HHAT: variants seen among roughly 807,000 people sequenced by gnomAD.
HHAT encodes the protein protein-cysteine N-palmitoyltransferase HHAT.
Under a neutral mutation model 70.8 loss-of-function variants are expected in HHAT, and 47 were observed. The ratio of observed to expected loss-of-function variants is 0.66; its 90% CI spans 0.53 to 0.85. The LOEUF (loss-of-function observed/expected upper bound fraction) is 0.85, where lower values mean the gene tolerates loss of function less well. Among genes scored for constraint, HHAT ranks in the 40% least tolerant of loss-of-function variants. The probability of loss-of-function intolerance (pLI) is 0.00; values close to 1 mark genes in which losing one functional copy is unlikely to be tolerated. For missense variants in HHAT, 609 were observed against 604.8 expected, an observed-to-expected ratio of 1.01 and a Z score of -0.07; for synonymous variants, 228 against 247.6, an observed-to-expected ratio of 0.92 and a Z score of 0.74.
At chr1:210,330,740 C>T (rs989326906) in intron 1 of HHAT, among the ~76,000 whole-genome samples, 24 of 152,138 alleles carry the variant, frequency 1.6e-4, no homozygotes, top group African/African-American at 5.8e-4. Flanking sequence ...GCACCAAGGA[C>T]CGGTTTCATG....
chr1:210,623,891 G>A (rs960884629), intron 11 of HHAT, among the ~76,000 whole-genome samples: 2 of 152,050 alleles, frequency 1.3e-5, no homozygotes, highest in African/African-American at 4.8e-5. Context: ...TGTGATACTT[G>A]TTTAACACCA....
chr1:210,623,427 G>A (rs1669247058), intron 10 of HHAT, 99 bp from the exon 11 acceptor site: 1 of 1,348,828 alleles, frequency 7.4e-7, no homozygotes, highest in Non-Finnish European at 1.0e-6. Context: ...GGCTCTGTGG[G>A]GAGGCGTCCT....
intron 1 of HHAT, among the ~76,000 whole-genome samples, chr1:210,335,661 A>G (rs958063631): frequency 1.3e-5 from 2 of 152,232 alleles, no homozygotes; most frequent in Non-Finnish European, 2.9e-5. Context: ...GCAACACTGC[A>G]GGGCAGTGGA....
intron 10 of HHAT, among the ~76,000 whole-genome samples, chr1:210,592,267 C>A (rs1014454304): frequency 6.6e-6 from 1 of 151,936 alleles, no homozygotes; most frequent in Non-Finnish European, 1.5e-5. Flanking sequence ...CCAGTTTTCC[C>A]AGCACCATTT....
chr1:210,381,500 C>G (rs762222569), intron 3 of HHAT, among the ~76,000 whole-genome samples: 1 of 152,060 alleles, frequency 6.6e-6, no homozygotes, highest in African/African-American at 2.4e-5. Context: ...AGGCTGGTCT[C>G]GAGCTCCTGG....
intron 8 of HHAT, among the ~76,000 whole-genome samples, chr1:210,506,316 T>TA (rs139034537): frequency 0.081 from 12,380 of 152,162 alleles, 636 homozygotes; most frequent in Non-Finnish European, 0.11. Flanking sequence ...CATTCATACT[T>TA]AGAGATGCTG....
chr1:210,378,852 G>A (rs1314919412), intron 3 of HHAT, among the ~76,000 whole-genome samples: 1 of 152,180 alleles, frequency 6.6e-6, no homozygotes, highest in Non-Finnish European at 1.5e-5. Context: ...TCAGACTAGT[G>A]TTCTTCAAAG....
rs748514239 is a variant in HHAT at position 210,404,485 on chromosome 1, A to G, written c.490A>G (p.Asn164Asp). ...EVKRRWYKTE[N>D]EYYLLQFTLT... The stretch of plus-strand genomic sequence containing the variant: ...GTAGAGAAGGTGGTACAAGACAGAA[A>G]ACGAGTACTACCTGCTGCAGTTCAC... Residue 164 changes from asparagine to aspartate, a missense_variant, in exon 6 of 12, where the codon AAC becomes GAC. Physicochemically the swap from Asn to Asp is conservative, Grantham distance 23. Coordinates refer to ENST00000261458, the MANE Select transcript of HHAT (RefSeq NM_018194.6). 24 of 1,612,230 alleles carry G rather than the reference A, an allele frequency of 1.5e-5. No homozygotes were observed. Among genetic ancestry groups the G allele is most frequent in the Non-Finnish European group, 1.9e-5 (23 of 1,179,758 alleles).
intron 5 of HHAT, among the ~76,000 whole-genome samples, chr1:210,402,446 G>A (rs2092124366): frequency 6.6e-6 from 1 of 152,104 alleles, no homozygotes; most frequent in Non-Finnish European, 1.5e-5. Context: ...TGTTTATGCT[G>A]TCTCTTGGAA....
chr1:210,349,076 C>A lies in HHAT; in HGVS notation c.91+10C>A. 6.2e-7 allele frequency: 1 copy of A among 1,612,146 alleles called. No homozygotes were observed. Among genetic ancestry groups the A allele is most frequent in the South Asian group, 1.1e-5 (1 of 90,610 alleles). ...TACAAAGTCTCCAGAGGTAAGGCCC[C>A]AAGCTTTTCAGACCTCCTATCAAAC... On this transcript the variant is annotated intron_variant, in intron 2 of 11. Coordinates refer to ENST00000261458, the MANE Select transcript of HHAT (RefSeq NM_018194.6).
intron 9 of HHAT, among the ~76,000 whole-genome samples, chr1:210,577,042 A>G (rs2148754127): frequency 6.8e-6 from 1 of 147,744 alleles, no homozygotes; most frequent in Non-Finnish European, 1.5e-5. Context: ...TTACTTTTGT[A>G]TCCTCTGATT....
At chr1:210,349,652 C>T (rs1043200213) in intron 2 of HHAT, among the ~76,000 whole-genome samples, 2 of 135,912 alleles carry the variant, frequency 1.5e-5, no homozygotes, top group Non-Finnish European at 1.6e-5. Flanking sequence ...CTACCTAAAA[C>T]TTTTTTTTTT....
chr1:210,376,227 A>C (rs1449762090), intron 3 of HHAT, among the ~76,000 whole-genome samples: 1 of 152,090 alleles, frequency 6.6e-6, no homozygotes, highest in East Asian at 1.9e-4. Context: ...TTATATATTA[A>C]GTATAATGCA....
intron 8 of HHAT, among the ~76,000 whole-genome samples, chr1:210,510,447 C>G (rs960819586): frequency 6.6e-6 from 1 of 152,176 alleles, no homozygotes; most frequent in African/African-American, 2.4e-5. Flanking sequence ...CTTTCCAGAG[C>G]CTGGCTAGCT....
chr1:210,446,469 T>A (rs1307594031), intron 7 of HHAT, among the ~76,000 whole-genome samples: 1 of 152,204 alleles, frequency 6.6e-6, no homozygotes, highest in Non-Finnish European at 1.5e-5. Flanking sequence ...TGATGTGACC[T>A]TGTTAAAAAG....
At chr1:210,615,699 C>G (rs544188308) in intron 10 of HHAT, among the ~76,000 whole-genome samples, 17 of 152,358 alleles carry the variant, frequency 1.1e-4, no homozygotes, top group East Asian at 7.7e-4. Flanking sequence ...TGCTGGAGGT[C>G]CACTCCAGAC....
chr1:210,379,953 G>T (rs897768704), intron 3 of HHAT, among the ~76,000 whole-genome samples: 2 of 152,054 alleles, frequency 1.3e-5, no homozygotes, highest in Non-Finnish European at 2.9e-5. Context: ...TCATCCACTG[G>T]AACTATTCTG....
chr1:210,386,845 G>A (rs1281652268), intron 3 of HHAT, among the ~76,000 whole-genome samples: 1 of 152,128 alleles, frequency 6.6e-6, no homozygotes, highest in Non-Finnish European at 1.5e-5. Context: ...GACACAGAAT[G>A]CCACATGGAC....
chr1:210,524,511 G>A (rs984320459), intron 9 of HHAT, among the ~76,000 whole-genome samples: 4 of 152,174 alleles, frequency 2.6e-5, no homozygotes, highest in African/African-American at 9.7e-5. Context: ...AGGAACAGAA[G>A]GGGAGCCTGG....
Sources: allele counts gnomAD v4.1 joint callset (sites outside exome capture counted in the v4.1 genomes callset), GRCh38; gene constraint gnomAD v4.1.1; transcripts MANE v1.5; gene names NCBI Gene and HGNC (gene_info 2026-07-23, HGNC 2026-07-21).